The following ADCY6 variants were observed in gnomAD, a reference collection of about 807,000 sequenced individuals.
ADCY6 encodes the protein adenylate cyclase type 6.
A neutral mutation model predicts 111.6 loss-of-function variants in ADCY6; 59 were observed. The observed-to-expected ratio is 0.53, with a 90% CI of 0.43 to 0.66. ADCY6 has a LOEUF of 0.66. Among genes scored for constraint, ADCY6 ranks in the 30% least tolerant of loss-of-function variants. The pLI, the probability that ADCY6 is intolerant of heterozygous loss-of-function variation, is 0.00. For synonymous variants in ADCY6, 576 were observed against 642.9 expected, an observed-to-expected ratio of 0.90 and a Z score of 1.57; for missense variants, 1,242 against 1,595.6, an observed-to-expected ratio of 0.78 and a Z score of 3.78.
chr12:48,777,762 T>A lies in ADCY6; in HGVS notation c.1015-26A>T. 6.2e-7 allele frequency: 1 copy of A among 1,613,116 alleles called. No individual in the cohort carries two copies. Among genetic ancestry groups the A allele is most frequent in the Non-Finnish European group, 8.5e-7 (1 of 1,179,656 alleles). On this transcript the variant is annotated intron_variant, in intron 3 of 21. Coordinates refer to ENST00000357869, the MANE Select transcript of ADCY6 (RefSeq NM_015270.5). This position sits in a 1 kb window ranked among gnomAD's most constrained non-coding sequence, Gnocchi z 4.9. ...CTAGCCCAGTGGTTCCAATAGGGCA[T>A]CACTATACTCTTGGTCTCACATTGC...
chr12:48,776,345 A>T lies in ADCY6; in HGVS notation c.1541T>A (p.Ile514Asn), dbSNP rs767519616. Residue 514 changes from isoleucine to asparagine, a missense_variant, in exon 8 of 22, where the codon ATC (isoleucine) becomes AAC (asparagine). This residue lies in a region of ADCY6 where 260 missense variants were observed against 414.6 expected (regional missense o/e 0.63). Coordinates refer to ENST00000357869, the MANE Select transcript of ADCY6 (RefSeq NM_015270.5). The surrounding 1 kb of genome is among the most constrained non-coding windows in gnomAD (Gnocchi z 6.1). ...HMEAGGRAGR[I>N]HITRATLQYL... ...CTGCAGTGTTGCCCGAGTGATGTGGATGCGGCTGTATGTGGCCAAGAGGGT... is the reference window on the plus strand; with the variant it reads ...CTGCAGTGTTGCCCGAGTGATGTGGTTGCGGCTGTATGTGGCCAAGAGGGT... The T allele has an allele frequency of 1.2e-6, 2 of 1,614,176 alleles. No individual in the cohort carries two copies. The highest frequency in any genetic ancestry group is 1.7e-6 in the Non-Finnish European group (2 of 1,180,028).
At chr12:48,778,802 G>A (rs1470072013) in intron 2 of ADCY6, among the ~76,000 whole-genome samples, 1 of 151,350 alleles carries the variant, frequency 6.6e-6, no homozygotes, top group Non-Finnish European at 1.5e-5. Context: ...TTATTATTAT[G>A]GTAGCTAGTT....
intron 2 of ADCY6, among the ~76,000 whole-genome samples, chr12:48,781,199 CAAA>C (rs1200774947): frequency 9.7e-6 from 1 of 102,668 alleles, no homozygotes; most frequent in Non-Finnish European, 2.1e-5. Context: ...GACTCCGTCT[CAAA>C]AAAAAAAAAA....
At chr12:48,772,452 G>C in intron 17 of ADCY6, 28 bp from the exon 18 acceptor site, 1 of 1,614,200 alleles carries the variant, frequency 6.2e-7, no homozygotes, top group South Asian at 1.1e-5. Flanking sequence ...CATGCTTGGT[G>C]TCTGAAGGAG....
Position 48,776,840 on chromosome 12 carries a change from C to T in ADCY6, c.1377-254G>A, listed in dbSNP as rs1302953351. On this transcript the variant is annotated intron_variant, in intron 6 of 21. Transcript: ENST00000357869. This position sits in a 1 kb window ranked among gnomAD's most constrained non-coding sequence, Gnocchi z 6.1. ...AGGAGAAGAGGAATCACTGTTATCC[C>T]CTCTGGCCTGCACAGATGGCATTCC... 6.6e-6 allele frequency among the ~76,000 whole-genome samples: 1 copy of T among 152,196 alleles called. No individual in the cohort carries two copies. The highest frequency in any genetic ancestry group is 1.5e-5 in the Non-Finnish European group (1 of 68,026).
At position 48,774,511 on chromosome 12, in the gene ADCY6, G is replaced by T; in HGVS notation, c.2174C>A (p.Pro725His). The T allele has an allele frequency of 6.2e-7, 1 of 1,613,844 alleles. No homozygotes were observed. Among genetic ancestry groups the T allele is most frequent in the South Asian group, 1.1e-5 (1 of 91,072 alleles). The stretch of plus-strand genomic sequence containing the variant: ...GCGGGACAGACGTTGCAGGGCCTTA[G>T]GGAACAGCTAGAGGCATCAAGAGAC... Reference protein sequence around the residue: ...CAVYSCGSLFPKALQRLSRSI... With the variant: ...CAVYSCGSLFHKALQRLSRSI... The change falls in exon 14 of 22, where the codon CCT (proline) becomes CAT (histidine). Residue 725 changes from proline to histidine, a missense_variant. By Grantham distance (77) the Pro-to-His change is moderately conservative (BLOSUM62 -2). Around this residue, in one of 4 missense-constraint regions of ADCY6, gnomAD observed 375 missense variants for 432.5 expected, o/e 0.87. Coordinates refer to ENST00000357869, the MANE Select transcript of ADCY6 (RefSeq NM_015270.5).
chr12:48,772,564 A>T, intron 16 of ADCY6, 21 bp from the exon 17 acceptor site: 1 of 1,614,156 alleles, frequency 6.2e-7, no homozygotes, highest in Non-Finnish European at 8.5e-7. Flanking sequence ...GATAGAAGAG[A>T]CAAAGTCATC....
chr12:48,777,056 C>A lies in ADCY6; in HGVS notation c.1376+48G>T. On this transcript the variant is annotated intron_variant, in intron 6 of 21. Coordinates refer to ENST00000357869, the MANE Select transcript of ADCY6 (RefSeq NM_015270.5). This position sits in a 1 kb window ranked among gnomAD's most constrained non-coding sequence, Gnocchi z 4.9. Reference sequence around the variant, plus strand: ...GGTCTCATCAAAAAGTAGGAGCAGTCTGGGGCACCCGCAATTCCAGGAAGC... The same window carrying A: ...GGTCTCATCAAAAAGTAGGAGCAGTATGGGGCACCCGCAATTCCAGGAAGC... The A allele has an allele frequency of 6.5e-7, 1 of 1,542,750 alleles. No homozygotes were observed. The highest frequency in any genetic ancestry group is 8.7e-7 in the Non-Finnish European group (1 of 1,143,666).
rs150432765 is a variant in ADCY6 at position 48,776,453 on chromosome 12, G to A, written c.1510C>T (p.His504Tyr). Residue 504 changes from histidine (H) to tyrosine (Y), a missense_variant, in exon 7 of 22, where the codon CAC becomes TAC. His to Tyr is a moderately conservative substitution (Grantham distance 83). Around this residue, in one of 4 missense-constraint regions of ADCY6, gnomAD observed 260 missense variants for 414.6 expected, o/e 0.63. Transcript: ENST00000357869. The surrounding 1 kb of genome is among the most constrained non-coding windows in gnomAD (Gnocchi z 6.1). Reference protein sequence around the residue: ...VWSNDVTLANHMEAGGRAGRI... With the variant: ...VWSNDVTLANYMEAGGRAGRI... ...CCAGCCCGGCCTCCTGCCTCCATGT[G>A]GTTGGCCAGGGTCACATCATTGGAC... is the stretch of plus-strand genomic sequence containing the variant. 1.2e-6 allele frequency: 2 copies of A among 1,612,462 alleles called. No homozygotes were observed. Among genetic ancestry groups the A allele is most frequent in the Non-Finnish European group, 1.7e-6 (2 of 1,179,828 alleles).
At position 48,771,962 on chromosome 12, in the gene ADCY6, C is replaced by G. The variant is rs746847957; in HGVS notation, c.2799G>C (p.Glu933Asp). Residue 933 changes from glutamate to aspartate, a missense_variant, in exon 19 of 22, where the codon GAG becomes GAC. Around this residue, in one of 4 missense-constraint regions of ADCY6, gnomAD observed 245 missense variants for 371.3 expected, o/e 0.66. Coordinates refer to ENST00000357869, the MANE Select transcript of ADCY6 (RefSeq NM_015270.5). This position sits in a 1 kb window ranked among gnomAD's most constrained non-coding sequence, Gnocchi z 4.3. Reference protein sequence around the residue: ...DFLWKLQATGEKEEMEELQAY... With the variant: ...DFLWKLQATGDKEEMEELQAY... ...CCTGTAGCTCCTCCATCTCCTCCTT[C>G]TCCCCTGTTGCCTGTGGACACCACA... 1 of 1,610,204 alleles carries G rather than the reference C, an allele frequency of 6.2e-7. No homozygotes were observed.
In ADCY6 at chr12:48,774,488, G is replaced by A. The variant is rs773761749; in HGVS notation, c.2197C>T (p.Arg733Cys). Residue 733 changes from arginine to cysteine, a missense_variant, in exon 14 of 22, where the codon CGC becomes TGC. Arg to Cys is a radical substitution (Grantham distance 180). This residue lies in a region of ADCY6 where 375 missense variants were observed against 432.5 expected (regional missense o/e 0.87). Coordinates refer to ENST00000357869, the MANE Select transcript of ADCY6 (RefSeq NM_015270.5). ...TGTGCCCGTGAGCGGACAATGCTGCGGGACAGACGTTGCAGGGCCTTAGGG... is the reference window on the plus strand; with the variant it reads ...TGTGCCCGTGAGCGGACAATGCTGCAGGACAGACGTTGCAGGGCCTTAGGG... ...LFPKALQRLSRSIVRSRAHST... is the reference protein window; with the variant it reads ...LFPKALQRLSCSIVRSRAHST... 180 of 1,613,960 alleles carry A rather than the reference G, an allele frequency of 1.1e-4. 2 individuals are homozygous for A. The highest frequency in any genetic ancestry group is 8.3e-4 in the Middle Eastern group (5 of 6,060).
At chr12:48,773,357 G>T in intron 16 of ADCY6, 112 bp downstream of exon 16, 1 of 1,216,476 alleles carries the variant, frequency 8.2e-7, no homozygotes. Flanking sequence ...TCCCCCACAG[G>T]GGTGTTGTGG....
In ADCY6 at chr12:48,773,594, G is replaced by A; in HGVS notation, c.2496C>T (p.His832=). ...TGGCCAACTTCCCGATGCTGCTGATGTGCAGGAAGACAGAGCTGGCCAAGA... is the reference window on the plus strand; with the variant it reads ...TGGCCAACTTCCCGATGCTGCTGATATGCAGGAAGACAGAGCTGGCCAAGA... ...LSLLASSVFL[H]ISSIGKLAMI... is the part of the protein sequence containing the mutation. The change falls in exon 16 of 22, where the codon CAC becomes CAT. Residue 832 remains histidine (H), a synonymous_variant. Coordinates refer to ENST00000357869, the MANE Select transcript of ADCY6 (RefSeq NM_015270.5). 2 of 1,614,148 alleles carry A rather than the reference G, an allele frequency of 1.2e-6. No homozygotes were observed. The highest frequency in any genetic ancestry group is 2.2e-5 in the South Asian group (2 of 91,086).
chr12:48,787,720 C>G (rs559777203), intron 1 of ADCY6, among the ~76,000 whole-genome samples: 18 of 152,338 alleles, frequency 1.2e-4, no homozygotes, highest in African/African-American at 3.6e-4. Flanking sequence ...TTCTCCTCCC[C>G]TGAGTGTTGG....
chr12:48,782,478 C>T lies in ADCY6; in HGVS notation c.864+93G>A. Reference sequence around the variant, plus strand: ...CCCTGCACCCAGCTTCCACCCATGACTCACCCGCCCTTCCTCACTAAGCCC... The same window carrying T: ...CCCTGCACCCAGCTTCCACCCATGATTCACCCGCCCTTCCTCACTAAGCCC... On this transcript the variant is annotated intron_variant, in intron 2 of 21. Transcript: ENST00000357869. This position sits in a 1 kb window ranked among gnomAD's most constrained non-coding sequence, Gnocchi z 4.3. 2 of 1,486,138 alleles carry T rather than the reference C, an allele frequency of 1.3e-6. No homozygotes were observed. 92.1% of individuals were successfully genotyped at this position (1,486,138 alleles called of 1,614,324 possible).
At chr12:48,784,484 G>A (rs1254720574) in intron 1 of ADCY6, among the ~76,000 whole-genome samples, 1 of 151,760 alleles carries the variant, frequency 6.6e-6, no homozygotes, top group Non-Finnish European at 1.5e-5. Flanking sequence ...GTTTGTTGGT[G>A]GTCACAAACT....
Position 48,776,709 on chromosome 12 carries a change from G to A in ADCY6, c.1377-123C>T. On this transcript the variant is annotated intron_variant, in intron 6 of 21. Transcript: ENST00000357869. This position sits in a 1 kb window ranked among gnomAD's most constrained non-coding sequence, Gnocchi z 6.1. ...ACAGACCCAGATGCAGGGGACGGGA[G>A]CACAGCCTTGGTTGGACATGAGCAG... 2.3e-6 allele frequency: 3 copies of A among 1,299,118 alleles called. No individual in the cohort carries two copies. The South Asian group carries it at 4.5e-5, about 20-fold the overall frequency. 80.5% of individuals were successfully genotyped at this position (1,299,118 alleles called of 1,614,324 possible). A position where few individuals can be genotyped will look rare whatever the true frequency, so the allele number is the denominator to read the frequency against.
chr12:48,784,855 C>T (rs543414240), intron 1 of ADCY6, among the ~76,000 whole-genome samples: 9 of 151,988 alleles, frequency 5.9e-5, no homozygotes, highest in South Asian at 2.1e-4. Context: ...TTAGTAGAGA[C>T]GGAGTTTCAC....
At chr12:48,775,182 C>T (rs1941662635) in intron 11 of ADCY6, 121 bp downstream of exon 11, 1 of 1,494,798 alleles carries the variant, frequency 6.7e-7, no homozygotes, top group Non-Finnish European at 9.2e-7. Flanking sequence ...AAATCCTCAC[C>T]CTGCTCTGTG....
Sources: gnomAD v4.1 joint callset for allele counts (sites outside exome capture counted in the v4.1 genomes callset) on GRCh38, gnomAD v4.1.1 for gene constraint, gnomAD v4.1.1 regional missense constraint, Gnocchi (gnomAD v3.1) non-coding constraint, MANE v1.5 for transcripts, NCBI Gene and HGNC (gene_info 2026-07-23, HGNC 2026-07-21) for gene names.